TNFSF4: variants seen among roughly 807,000 people sequenced by gnomAD.
TNFSF4 encodes TNF superfamily member 4, also known as tumor necrosis factor ligand superfamily member 4.
In TNFSF4, 4 loss-of-function variants were observed where a neutral mutation model predicts 7.3. That is an observed-to-expected ratio of 0.55 (90% CI 0.27 to 1.25). TNFSF4 has a LOEUF of 1.25. Among genes scored for constraint, TNFSF4 ranks in the 50% most tolerant of loss-of-function variants. The pLI, the probability that TNFSF4 is intolerant of heterozygous loss-of-function variation, is 0.12. For missense variants in TNFSF4, 181 were observed against 208.8 expected, an observed-to-expected ratio of 0.87 and a Z score of 0.82; for synonymous variants, 76 against 83.7, an observed-to-expected ratio of 0.91 and a Z score of 0.50.
the TNFSF4 span, among the ~76,000 whole-genome samples, chr1:173,311,226 C>A: frequency 6.6e-6 from 1 of 151,808 alleles, no homozygotes; most frequent in Non-Finnish European, 1.5e-5. Flanking sequence ...TTATTATTTG[C>A]CTTTCTTTCC....
chr1:173,440,844 G>A, the TNFSF4 span: 1 of 152,272 alleles, frequency 6.6e-6, no homozygotes, highest in South Asian at 2.1e-4. Flanking sequence ...AATGCAATCT[G>A]TAAGGTTTAA....
chr1:173,212,475 T>C, the TNFSF4 span, among the ~76,000 whole-genome samples: 2 of 152,130 alleles, frequency 1.3e-5, no homozygotes, highest in African/African-American at 2.4e-5. Context: ...TGCAGCTGTT[T>C]TCACCTCTGT....
downstream of TNFSF4, among the ~76,000 whole-genome samples, chr1:173,180,406 G>A (rs1488667046): frequency 3.9e-5 from 6 of 152,094 alleles, no homozygotes; most frequent in Non-Finnish European, 7.4e-5. Flanking sequence ...ACATACAGTA[G>A]AAATTCAATC....
rs367741572 is a variant in TNFSF4 at position 173,204,902 on chromosome 1, A to AACACAC, written c.153+2116_153+2121dup. ...TCTCTCTCTCTCTCAAACACACAGA[A>AACACAC]ACACACACACACACACACACAAACA... On this transcript the variant is annotated intron_variant, in intron 1 of 2. Transcript: ENST00000281834. Among the ~76,000 whole-genome samples, 7 of 144,904 alleles carry AACACAC rather than the reference A, an allele frequency of 4.8e-5. No individual in the cohort carries two copies. The East Asian group carries it at 5.9e-4, about 12-fold the overall frequency.
At chr1:173,208,031 T>C (rs1285062520), upstream of TNFSF4, among the ~76,000 whole-genome samples, 1 of 152,190 alleles carries the variant, frequency 6.6e-6, no homozygotes, top group Non-Finnish European at 1.5e-5. Context: ...CCGTACATAA[T>C]TTTTCCATGA....
At chr1:173,416,875 T>C in the TNFSF4 span, among the ~76,000 whole-genome samples, 6 of 151,964 alleles carry the variant, frequency 3.9e-5, no homozygotes, top group Non-Finnish European at 7.4e-5. Context: ...GGGATTACAG[T>C]TGTGAGCCAT....
the TNFSF4 span, among the ~76,000 whole-genome samples, chr1:173,330,789 T>G: frequency 6.6e-6 from 1 of 152,140 alleles, no homozygotes; most frequent in Non-Finnish European, 1.5e-5. Context: ...AATGTCAAAC[T>G]TCAGTATATT....
chr1:173,230,264 G>A, the TNFSF4 span, among the ~76,000 whole-genome samples: 5 of 152,170 alleles, frequency 3.3e-5, no homozygotes, highest in African/African-American at 1.2e-4. Context: ...TAGAACTCAG[G>A]ATTAAGAAAC....
the TNFSF4 span, among the ~76,000 whole-genome samples, chr1:173,319,941 C>T: frequency 5.9e-5 from 9 of 152,204 alleles, no homozygotes; most frequent in South Asian, 1.9e-3. Context: ...ACCAGAATGC[C>T]TCTTCTCCTC....
At chr1:173,263,072 A>G in the TNFSF4 span, among the ~76,000 whole-genome samples, 4 of 152,234 alleles carry the variant, frequency 2.6e-5, no homozygotes, top group African/African-American at 9.6e-5. Flanking sequence ...ATAGGAATAC[A>G]GCTAACAAGT....
chr1:173,266,369 A>T, the TNFSF4 span, among the ~76,000 whole-genome samples: 113 of 152,302 alleles, frequency 7.4e-4, no homozygotes, highest in Non-Finnish European at 1.4e-3. Context: ...TCTGTAGAGA[A>T]ATGGGATAGC....
chr1:173,287,618 A>G, the TNFSF4 span, among the ~76,000 whole-genome samples: 2 of 152,214 alleles, frequency 1.3e-5, no homozygotes, highest in Non-Finnish European at 2.9e-5. Context: ...GAAGATATGT[A>G]CAAGGATGTT....
chr1:173,223,409 C>T, the TNFSF4 span, among the ~76,000 whole-genome samples: 1 of 152,096 alleles, frequency 6.6e-6, no homozygotes, highest in Non-Finnish European at 1.5e-5. Context: ...CTTACCACCA[C>T]TCTAGAAAAG....
chr1:173,446,250 G>A, the TNFSF4 span, among the ~76,000 whole-genome samples: 2 of 151,770 alleles, frequency 1.3e-5, no homozygotes, highest in Non-Finnish European at 2.9e-5. Flanking sequence ...ATTATTGGCA[G>A]AATAATAGAA....
the TNFSF4 span, among the ~76,000 whole-genome samples, chr1:173,391,041 C>T: frequency 6.6e-6 from 1 of 152,034 alleles, no homozygotes. Context: ...CCACTGCGCC[C>T]AGCCTTCAAC....
the TNFSF4 span, among the ~76,000 whole-genome samples, chr1:173,404,297 A>T: frequency 2.4e-4 from 37 of 152,090 alleles, no homozygotes; most frequent in Admixed American, 1.8e-3. Context: ...CCCAGGGATG[A>T]TGGCTAATCC....
the TNFSF4 span, among the ~76,000 whole-genome samples, chr1:173,333,034 T>C: frequency 6.6e-6 from 1 of 152,094 alleles, no homozygotes; most frequent in Admixed American, 6.6e-5. Flanking sequence ...TTCTGTTCAT[T>C]CAAAATTACA....
the TNFSF4 span, among the ~76,000 whole-genome samples, chr1:173,274,382 G>A: frequency 1.3e-5 from 2 of 152,050 alleles, no homozygotes; most frequent in Non-Finnish European, 2.9e-5. Context: ...ATATGTTGCT[G>A]TACTTCTATA....
intron 2 of TNFSF4, among the ~76,000 whole-genome samples, chr1:173,188,027 G>A (rs904335535): frequency 6.6e-6 from 1 of 152,096 alleles, no homozygotes; most frequent in Non-Finnish European, 1.5e-5. Flanking sequence ...ATGAATATTC[G>A]TGTGGAAACC....
Sources: gnomAD v4.1 joint callset for allele counts (sites outside exome capture counted in the v4.1 genomes callset) on GRCh38, gnomAD v4.1.1 for gene constraint, MANE v1.5 for transcripts, NCBI Gene and HGNC (gene_info 2026-07-23, HGNC 2026-07-21) for gene names.